Variants in IKZF2 observed in about 807,000 individuals in gnomAD.
IKZF2 encodes the protein IKAROS family zinc finger 2.
A neutral mutation model predicts 49.2 loss-of-function variants in IKZF2; 15 were observed. That is an observed-to-expected ratio of 0.30 (90% CI 0.20 to 0.47). The LOEUF (loss-of-function observed/expected upper bound fraction) is 0.47, where lower values mean the gene tolerates loss of function less well. IKZF2 is among the 20% of genes least tolerant of loss of function. The probability of loss-of-function intolerance (pLI) is 1.00; values close to 1 mark genes in which losing one functional copy is unlikely to be tolerated. For missense variants in IKZF2, 567 were observed against 664.6 expected, an observed-to-expected ratio of 0.85 and a Z score of 1.61; for synonymous variants, 227 against 221.4, an observed-to-expected ratio of 1.03 and a Z score of -0.23.
chr2:213,049,131 T>A (rs547659693), intron 6 of IKZF2, among the ~76,000 whole-genome samples: 12 of 152,042 alleles, frequency 7.9e-5, no homozygotes, highest in Non-Finnish European at 1.5e-4. Context: ...TATTCTACAT[T>A]TTTTAAATGA....
At chr2:213,147,980 T>G (rs936871974) in intron 3 of IKZF2, among the ~76,000 whole-genome samples, 168 bp from the exon 4 acceptor site, 1 of 151,950 alleles carries the variant, frequency 6.6e-6, no homozygotes, top group African/African-American at 2.4e-5. Flanking sequence ...TACAGTTGAA[T>G]GAAATGATGA....
At chr2:213,036,485 A>T (rs1444952724) in intron 6 of IKZF2, among the ~76,000 whole-genome samples, 1 of 152,200 alleles carries the variant, frequency 6.6e-6, no homozygotes, top group African/African-American at 2.4e-5. Flanking sequence ...ACCTCCATGA[A>T]TCTTTAAAAC....
Position 213,028,228 on chromosome 2 carries a change from T to C in IKZF2, c.575-6098A>G, listed in dbSNP as rs566677167. The stretch of plus-strand genomic sequence containing the variant: ...CAATTTGGGTTCTATTTCTGGACTC[T>C]ATTCCATTCCATTAACCTCTATGTC... On this transcript the variant is annotated intron_variant, in intron 6 of 8. Coordinates refer to ENST00000434687, the MANE Select transcript of IKZF2 (RefSeq NM_001387220.1). Among the ~76,000 whole-genome samples the C allele has an allele frequency of 2.0e-5, 3 of 152,268 alleles. No individual in the cohort carries two copies. The South Asian group carries it at 6.2e-4, about 32-fold the overall frequency.
intron 4 of IKZF2, among the ~76,000 whole-genome samples, chr2:213,102,014 T>C (rs999897891): frequency 2.0e-5 from 3 of 152,160 alleles, no homozygotes; most frequent in Admixed American, 6.6e-5. Context: ...ATTGTCACCA[T>C]GCAAGCAAAC....
At chr2:213,042,198 C>G (rs534931041) in intron 6 of IKZF2, among the ~76,000 whole-genome samples, 1 of 135,316 alleles carries the variant, frequency 7.4e-6, no homozygotes, top group South Asian at 2.7e-4. Context: ...AATAAACATA[C>G]GAGCTGTGTC....
chr2:213,139,269 T>A (rs1373737665), intron 4 of IKZF2, among the ~76,000 whole-genome samples: 4 of 152,062 alleles, frequency 2.6e-5, no homozygotes, highest in East Asian at 3.9e-4. Context: ...AGTATTTTGG[T>A]TGAACTAGGG....
At chr2:213,066,759 T>C (rs1702202945) in intron 4 of IKZF2, among the ~76,000 whole-genome samples, 1 of 152,010 alleles carries the variant, frequency 6.6e-6, no homozygotes, top group African/African-American at 2.4e-5. Flanking sequence ...CTACTCCTAA[T>C]GAATGAATGA....
intron 4 of IKZF2, among the ~76,000 whole-genome samples, chr2:213,135,097 TA>T (rs1164402626): frequency 6.6e-6 from 1 of 152,204 alleles, no homozygotes; most frequent in African/African-American, 2.4e-5. Flanking sequence ...TTAATAGTTT[TA>T]ATGTAAAAAA....
At chr2:213,076,090 G>C (rs1373032135) in intron 4 of IKZF2, among the ~76,000 whole-genome samples, 1 of 151,264 alleles carries the variant, frequency 6.6e-6, no homozygotes, top group Admixed American at 6.6e-5. Context: ...TTTTCCCAAC[G>C]CTTTCCTACA....
At chr2:213,040,053 G>A (rs1436221254) in intron 6 of IKZF2, among the ~76,000 whole-genome samples, 1 of 152,078 alleles carries the variant, frequency 6.6e-6, no homozygotes, top group Non-Finnish European at 1.5e-5. Context: ...GTATTTGGAT[G>A]ATTCCGTTTT....
At chr2:213,117,718 T>C (rs973323214) in intron 4 of IKZF2, among the ~76,000 whole-genome samples, 1 of 152,234 alleles carries the variant, frequency 6.6e-6, no homozygotes, top group Non-Finnish European at 1.5e-5. Flanking sequence ...CTCTTGACAA[T>C]GAACAGGGGA....
intron 4 of IKZF2, among the ~76,000 whole-genome samples, chr2:213,120,655 C>G (rs1311080733): frequency 1.3e-5 from 2 of 152,186 alleles, no homozygotes; most frequent in Non-Finnish European, 2.9e-5. Context: ...GGTGACAAAA[C>G]TACAGAAAGG....
chr2:213,074,787 G>T lies in IKZF2; in HGVS notation c.140-17688C>A, dbSNP rs185596727. Among the ~76,000 whole-genome samples the T allele has an allele frequency of 7.1e-3, 1,080 of 152,000 alleles. 8 individuals carry two copies. The highest frequency in any genetic ancestry group is 0.012 in the Non-Finnish European group (800 of 67,934). ...AATTTTCTGCAATTATTTCATTTAG[G>T]AAAAAACCTTCTCTTAAACATTCTA... On this transcript the variant is annotated intron_variant, in intron 4 of 8. Coordinates refer to ENST00000434687, the MANE Select transcript of IKZF2 (RefSeq NM_001387220.1).
At chr2:213,028,724 T>C (rs1339862739) in intron 6 of IKZF2, among the ~76,000 whole-genome samples, 1 of 152,106 alleles carries the variant, frequency 6.6e-6, no homozygotes, top group Non-Finnish European at 1.5e-5. Flanking sequence ...CAAAGAAATA[T>C]TTGCATTACC....
intron 8 of IKZF2, 141 bp from the exon 9 acceptor site, chr2:213,008,225 C>A: frequency 9.7e-7 from 1 of 1,031,064 alleles, no homozygotes; most frequent in Non-Finnish European, 1.4e-6. Context: ...CTCTATAAGT[C>A]AAGTATTTGG....
At chr2:213,148,733 T>C in intron 2 of IKZF2, 89 bp from the exon 3 acceptor site, 7 of 1,076,142 alleles carry the variant, frequency 6.5e-6, no homozygotes, top group East Asian at 2.4e-5. Context: ...TCCAAGCAGT[T>C]AGTCCATGTT....
chr2:213,010,283 TGATATCACCCA>T (rs1370141231), intron 8 of IKZF2, among the ~76,000 whole-genome samples: 1 of 152,068 alleles, frequency 6.6e-6, no homozygotes, highest in Non-Finnish European at 1.5e-5. Context: ...AGGAAATAAC[TGATATCACCCA>T]GGTAGAGTGT....
intron 4 of IKZF2, among the ~76,000 whole-genome samples, chr2:213,144,853 TCTTA>T (rs1233354345): frequency 6.6e-6 from 1 of 151,954 alleles, no homozygotes; most frequent in Non-Finnish European, 1.5e-5. Context: ...CACTAATACC[TCTTA>T]CTTCTTCTTA....
chr2:213,081,064 G>A (rs1222532288), intron 4 of IKZF2: 1 of 154,632 alleles, frequency 6.5e-6, no homozygotes, highest in Non-Finnish European at 1.5e-5. Context: ...TATTAAGTTA[G>A]GTCTGTGAAG....
Sources: gnomAD v4.1 joint callset for allele counts (sites outside exome capture counted in the v4.1 genomes callset) on GRCh38, gnomAD v4.1.1 for gene constraint, MANE v1.5 for transcripts, NCBI Gene and HGNC (gene_info 2026-07-23, HGNC 2026-07-21) for gene names.